The following KCNQ5 variants were observed in gnomAD, a reference collection of about 807,000 sequenced individuals.
The protein encoded by KCNQ5 is potassium voltage-gated channel subfamily KQT member 5.
In KCNQ5, 30 loss-of-function variants were observed where a neutral mutation model predicts 98.2. That is an observed-to-expected ratio of 0.31 (90% CI 0.23 to 0.41). KCNQ5 has a LOEUF of 0.41. Among genes scored for constraint, KCNQ5 ranks in the 10% least tolerant of loss-of-function variants. The pLI is 1.00. For synonymous variants in KCNQ5, 458 were observed against 449.4 expected (o/e 1.02, Z -0.24); for missense variants, 835 against 1,182.5 (o/e 0.71, Z 4.31).
chr6:72,675,741 C>T (rs1767375945), intron 1 of KCNQ5, among the ~76,000 whole-genome samples: 1 of 152,190 alleles, frequency 6.6e-6, no homozygotes, highest in South Asian at 2.1e-4. Flanking sequence ...GCCCTTATTT[C>T]ACTCTAGATT....
At chr6:72,766,460 G>C (rs1772577295) in intron 1 of KCNQ5, among the ~76,000 whole-genome samples, 1 of 152,012 alleles carries the variant, frequency 6.6e-6, no homozygotes, top group South Asian at 2.1e-4. Flanking sequence ...GGGAAAAAAA[G>C]ATAATGGATA....
chr6:73,070,136 T>C (rs1773239025), intron 3 of KCNQ5, among the ~76,000 whole-genome samples: 1 of 152,240 alleles, frequency 6.6e-6, no homozygotes, highest in African/African-American at 2.4e-5. Flanking sequence ...AGAATTTTGT[T>C]GTTTAACTTG....
intron 1 of KCNQ5, among the ~76,000 whole-genome samples, chr6:72,971,071 A>C (rs1377219511): frequency 1.2e-4 from 18 of 152,334 alleles, no homozygotes; most frequent in South Asian, 1.0e-3. Context: ...CAACCTACAA[A>C]ATGGGAGAAA....
chr6:72,947,154 T>A (rs1023053709), intron 1 of KCNQ5, among the ~76,000 whole-genome samples: 2 of 152,192 alleles, frequency 1.3e-5, no homozygotes, highest in Non-Finnish European at 2.9e-5. Context: ...TTTAATAAGA[T>A]GATGTACAGG....
intron 1 of KCNQ5, among the ~76,000 whole-genome samples, chr6:72,632,270 A>C (rs1227048191): frequency 6.7e-6 from 1 of 150,012 alleles, no homozygotes; most frequent in Non-Finnish European, 1.5e-5. Context: ...CCCAAGTAGC[A>C]GGGACTACAG....
intron 1 of KCNQ5, among the ~76,000 whole-genome samples, chr6:72,984,513 G>T (rs868432193): frequency 6.6e-6 from 1 of 152,098 alleles, no homozygotes; most frequent in Non-Finnish European, 1.5e-5. Context: ...GAGACCCATC[G>T]AGCCAGACAT....
rs148839853 is a variant in KCNQ5, at chr6:72,797,675, C to G, written c.398+175088C>G. 9.6e-4 allele frequency among the ~76,000 whole-genome samples: 146 copies of G among 152,066 alleles called. No homozygotes were observed. The Middle Eastern group carries it at 0.01, about 11-fold the overall frequency. ...TTAATTGTGTAAGTAGGATACATTA[C>G]AAATTAAGAAACTTTATTGGATTTT... On this transcript the variant is annotated intron_variant, in intron 1 of 13. Coordinates refer to ENST00000370398, the MANE Select transcript of KCNQ5 (RefSeq NM_019842.4).
At chr6:72,908,188 G>A (rs1562060779) in intron 1 of KCNQ5, among the ~76,000 whole-genome samples, 1 of 152,038 alleles carries the variant, frequency 6.6e-6, no homozygotes, top group Admixed American at 6.6e-5. Context: ...AAATGAAAGA[G>A]TGGTTACCAT....
At position 73,026,228 on chromosome 6, in the gene KCNQ5, T is replaced by C. The variant is rs543338950; in HGVS notation, c.490-15708T>C. On this transcript the variant is annotated intron_variant, in intron 2 of 13. Transcript: ENST00000370398. ...GTCCTGGAATGTACTCCCCATTTCT[T>C]GCAGAGTAAAAGCCAAAGTTCTTAC... Among the ~76,000 whole-genome samples the C allele has an allele frequency of 4.6e-5, 7 of 152,308 alleles. No homozygotes were observed. In the East Asian group the frequency reaches 1.4e-3, roughly 29 times the overall value.
intron 5 of KCNQ5, among the ~76,000 whole-genome samples, chr6:73,097,588 C>G (rs888650077): frequency 2.0e-5 from 3 of 152,162 alleles, no homozygotes; most frequent in Non-Finnish European, 4.4e-5. Flanking sequence ...CAGGTCTAAC[C>G]CAGTGCAGTC....
At chr6:72,749,168 C>T (rs370043690) in intron 1 of KCNQ5, among the ~76,000 whole-genome samples, 196 of 152,262 alleles carry the variant, frequency 1.3e-3, no homozygotes, top group East Asian at 5.4e-3. Context: ...TTTGAATTCT[C>T]AACACCCCAA....
intron 1 of KCNQ5, among the ~76,000 whole-genome samples, chr6:72,672,222 C>T (rs1420728131): frequency 6.6e-6 from 1 of 150,934 alleles, no homozygotes; most frequent in Non-Finnish European, 1.5e-5. Flanking sequence ...TTCAAGGTAT[C>T]CTCATGCCTC....
chr6:73,049,732 A>G (rs1772131099), intron 3 of KCNQ5, among the ~76,000 whole-genome samples: 1 of 152,178 alleles, frequency 6.6e-6, no homozygotes, highest in South Asian at 2.1e-4. Context: ...GAAAGCAAAT[A>G]TTCTAATTCC....
intron 5 of KCNQ5, among the ~76,000 whole-genome samples, chr6:73,097,913 A>G (rs1038201352): frequency 6.6e-6 from 1 of 152,200 alleles, no homozygotes; most frequent in Non-Finnish European, 1.5e-5. Flanking sequence ...GAGGATGGCT[A>G]CAAACAAGCC....
At chr6:73,112,963 A>AT (rs59707829) in intron 7 of KCNQ5, among the ~76,000 whole-genome samples, 126,050 of 149,504 alleles carry the variant, frequency 0.84, 54,854 homozygotes, top group South Asian at 0.96. Context: ...ATTTTTTACA[A>AT]TTTTTTTTTT....
intron 1 of KCNQ5, among the ~76,000 whole-genome samples, chr6:72,740,446 A>G (rs901997240): frequency 1.3e-5 from 2 of 152,184 alleles, no homozygotes; most frequent in African/African-American, 2.4e-5. Flanking sequence ...TACATTTGCC[A>G]TGAGTACCTG....
At chr6:73,034,947 G>A (rs1171174666) in intron 2 of KCNQ5, among the ~76,000 whole-genome samples, 3 of 148,210 alleles carry the variant, frequency 2.0e-5, no homozygotes, top group South Asian at 2.2e-4. Context: ...CCGGGTTCAC[G>A]CCATTCTCCT....
At chr6:72,792,051 ACTT>A (rs1446173695) in intron 1 of KCNQ5, among the ~76,000 whole-genome samples, 9 of 152,224 alleles carry the variant, frequency 5.9e-5, no homozygotes, top group Non-Finnish European at 1.0e-4. Context: ...CACAAAGTAA[ACTT>A]CTTTGGATGC....
intron 1 of KCNQ5, among the ~76,000 whole-genome samples, chr6:72,860,855 A>G (rs78493380): frequency 8.9e-4 from 132 of 147,748 alleles, no homozygotes; most frequent in Middle Eastern, 3.4e-3. Context: ...GTGTGTGTGT[A>G]TGTGTGTGTG....
Sources: gnomAD v4.1 joint callset for allele counts (sites outside exome capture counted in the v4.1 genomes callset) on GRCh38, gnomAD v4.1.1 for gene constraint, MANE v1.5 for transcripts, NCBI Gene and HGNC (gene_info 2026-07-23, HGNC 2026-07-21) for gene names.